The following UBL3 variants were observed in gnomAD, a reference collection of about 807,000 sequenced individuals.
UBL3 encodes the protein ubiquitin like 3, also known as ubiquitin-like protein 3.
Under a neutral mutation model 18.4 loss-of-function variants are expected in UBL3, and 6 were observed. The ratio of observed to expected loss-of-function variants is 0.33; its 90% CI spans 0.18 to 0.64. UBL3 has a LOEUF of 0.64. Among genes scored for constraint, UBL3 ranks in the 30% least tolerant of loss-of-function variants. The probability of loss-of-function intolerance (pLI) is 0.76; values close to 1 mark genes in which losing one functional copy is unlikely to be tolerated. For synonymous variants in UBL3, 49 were observed against 46.6 expected (o/e 1.05, Z -0.21); for missense variants, 109 against 142.9 (o/e 0.76, Z 1.21).
At chr13:29,831,007 C>T (rs1490165473) in intron 1 of UBL3, among the ~76,000 whole-genome samples, 2 of 152,142 alleles carry the variant, frequency 1.3e-5, no homozygotes, top group Non-Finnish European at 2.9e-5. Flanking sequence ...CCCTATATGC[C>T]TTAAATGACA....
intron 1 of UBL3, among the ~76,000 whole-genome samples, chr13:29,788,520 C>T (rs1877383882): frequency 1.3e-5 from 2 of 152,120 alleles, no homozygotes; most frequent in Non-Finnish European, 1.5e-5. Flanking sequence ...TACTTCGATG[C>T]CACCCCAAAA....
chr13:29,775,897 G>A (rs1295181747), intron 2 of UBL3, among the ~76,000 whole-genome samples: 2 of 151,792 alleles, frequency 1.3e-5, no homozygotes, highest in Admixed American at 6.6e-5. Flanking sequence ...GATTATAGAC[G>A]TGAGCCACCA....
chr13:29,793,932 C>A (rs997634691), intron 1 of UBL3, among the ~76,000 whole-genome samples: 1 of 151,866 alleles, frequency 6.6e-6, no homozygotes, highest in South Asian at 2.1e-4. Flanking sequence ...GCAACCTCCA[C>A]CCCCCAGGTT....
intron 2 of UBL3, among the ~76,000 whole-genome samples, chr13:29,775,206 C>T (rs1301670542): frequency 6.6e-6 from 1 of 152,066 alleles, no homozygotes; most frequent in Non-Finnish European, 1.5e-5. Flanking sequence ...TTATTGGTTT[C>T]AGAGTTATAT....
At chr13:29,769,297 G>A (rs1377225926) in intron 3 of UBL3, among the ~76,000 whole-genome samples, 1 of 152,114 alleles carries the variant, frequency 6.6e-6, no homozygotes, top group Non-Finnish European at 1.5e-5. Context: ...AATGTAATGC[G>A]TGGGAGCTAT....
intron 1 of UBL3, among the ~76,000 whole-genome samples, chr13:29,779,982 T>C (rs762504335): frequency 1.2e-4 from 18 of 151,992 alleles, no homozygotes; most frequent in Middle Eastern, 6.8e-3. Flanking sequence ...GCCCTCCAGG[T>C]GGGGAGAGCA....
chr13:29,849,381 T>G, intron 1 of UBL3, 131 bp downstream of exon 1: 1 of 1,235,334 alleles, frequency 8.1e-7, no homozygotes, highest in Non-Finnish European at 1.1e-6. Context: ...AGCTCCAACT[T>G]CTCCAAATCG....
At chr13:29,798,395 TA>T (rs1241130895) in intron 1 of UBL3, among the ~76,000 whole-genome samples, 1 of 152,016 alleles carries the variant, frequency 6.6e-6, no homozygotes, top group Non-Finnish European at 1.5e-5. Context: ...AGTATGTCAA[TA>T]AAATCCTCAG....
chr13:29,778,546 C>A (rs1398277501), intron 1 of UBL3, among the ~76,000 whole-genome samples: 1 of 152,150 alleles, frequency 6.6e-6, no homozygotes, highest in East Asian at 1.9e-4. Flanking sequence ...AACCTCATTG[C>A]ACCAGTTTGA....
chr13:29,812,747 T>C (rs1878127704), intron 1 of UBL3, among the ~76,000 whole-genome samples: 1 of 152,050 alleles, frequency 6.6e-6, no homozygotes, highest in Non-Finnish European at 1.5e-5. Flanking sequence ...CTATTTCTAA[T>C]GAAAATCTGA....
chr13:29,781,293 A>G (rs1017447405), intron 1 of UBL3, among the ~76,000 whole-genome samples: 1 of 152,180 alleles, frequency 6.6e-6, no homozygotes, highest in African/African-American at 2.4e-5. Flanking sequence ...TATATGTACA[A>G]ACTAAAGTCT....
chr13:29,832,594 A>G (rs2047613403), intron 1 of UBL3, among the ~76,000 whole-genome samples: 1 of 152,184 alleles, frequency 6.6e-6, no homozygotes, highest in Admixed American at 6.5e-5. Context: ...CTGTATAACA[A>G]ATAATGCTGA....
At chr13:29,779,531 G>A (rs1877088661) in intron 1 of UBL3, among the ~76,000 whole-genome samples, 1 of 152,014 alleles carries the variant, frequency 6.6e-6, no homozygotes, top group Admixed American at 6.5e-5. Flanking sequence ...ATGATGAAAG[G>A]AAATAGATTT....
At chr13:29,773,597 T>A (rs1229951473) in intron 2 of UBL3, among the ~76,000 whole-genome samples, 1 of 152,098 alleles carries the variant, frequency 6.6e-6, no homozygotes, top group African/African-American at 2.4e-5. Flanking sequence ...TTTTTTGAGA[T>A]GCAGAAACCT....
At chr13:29,807,108 A>G (rs1565995519) in intron 1 of UBL3, among the ~76,000 whole-genome samples, 1 of 152,204 alleles carries the variant, frequency 6.6e-6, no homozygotes, top group Non-Finnish European at 1.5e-5. Flanking sequence ...AAAGTTTACC[A>G]TATTTTCTTT....
chr13:29,769,651 A>G (rs1398500045), intron 3 of UBL3, among the ~76,000 whole-genome samples: 4 of 152,098 alleles, frequency 2.6e-5, no homozygotes, highest in Admixed American at 2.6e-4. Flanking sequence ...AATCTGGGCC[A>G]TACTGAATGC....
intron 1 of UBL3, among the ~76,000 whole-genome samples, chr13:29,779,860 G>C (rs569913922): frequency 3.3e-5 from 5 of 152,286 alleles, no homozygotes; most frequent in Middle Eastern, 3.4e-3. Flanking sequence ...CTGGAGGATA[G>C]GGTAATTAAA....
At position 29,832,081 on chromosome 13, in the gene UBL3, C is replaced by T. The variant is rs576606748; in HGVS notation, c.27+17431G>A. 5.3e-5 allele frequency among the ~76,000 whole-genome samples: 8 copies of T among 152,308 alleles called. No homozygotes were observed. In the South Asian group the frequency reaches 6.2e-4, roughly 12 times the overall value. ...TGATTGTGCTAAGTTCTATCAGACACCTGCAGTGCTAATTCAACATTCATT... is the reference window on the plus strand; with the variant it reads ...TGATTGTGCTAAGTTCTATCAGACATCTGCAGTGCTAATTCAACATTCATT... On this transcript the variant is annotated intron_variant, in intron 1 of 4. Transcript: ENST00000380680.
At chr13:29,846,138 G>T (rs373254598) in intron 1 of UBL3, among the ~76,000 whole-genome samples, 1 of 151,946 alleles carries the variant, frequency 6.6e-6, no homozygotes, top group African/African-American at 2.4e-5. Flanking sequence ...GAATATAGCC[G>T]CATCATGAAC....
Sources: allele counts gnomAD v4.1 joint callset (sites outside exome capture counted in the v4.1 genomes callset), GRCh38; gene constraint gnomAD v4.1.1; transcripts MANE v1.5; gene names NCBI Gene and HGNC (gene_info 2026-07-23, HGNC 2026-07-21).